The following RNASEL variants were observed in gnomAD, a reference collection of about 807,000 sequenced individuals.
RNASEL encodes the protein 2-5A-dependent ribonuclease.
In RNASEL, 36 loss-of-function variants were observed where a neutral mutation model predicts 50.9. The observed-to-expected ratio is 0.71, with a 90% confidence interval of 0.54 to 0.93. The LOEUF (loss-of-function observed/expected upper bound fraction) is 0.93. RNASEL is among the 40% of genes least tolerant of loss of function. The pLI is 0.00. For synonymous variants in RNASEL, 335 were observed against 335.6 expected, an observed-to-expected ratio of 1.00 and a Z score of 0.02; for missense variants, 860 against 894.5, an observed-to-expected ratio of 0.96 and a Z score of 0.49.
intron 5 of RNASEL, 39 bp downstream of exon 5, chr1:182,581,186 T>C (rs746686648): frequency 3.7e-6 from 6 of 1,613,848 alleles, no homozygotes; most frequent in Non-Finnish European, 4.2e-6. Flanking sequence ...CAAATTCTTA[T>C]TCCTGGACTA....
At position 182,575,234 on chromosome 1, in the gene RNASEL, T is replaced by C; in HGVS notation, c.*158A>G. On this transcript the variant is annotated 3_prime_UTR_variant, in exon 7 of 7. Coordinates refer to ENST00000367559, the MANE Select transcript of RNASEL (RefSeq NM_021133.4). ...TAGTCTGGGTATATATTGCTTTTGT[T>C]ATAGACATATGGAATACACGATGCC... 1 of 725,762 alleles carries C rather than the reference T, an allele frequency of 1.4e-6. No homozygotes were observed. The highest frequency in any genetic ancestry group is 1.7e-5 in the African/African-American group (1 of 57,620). The allele number at this position is 725,762 out of a possible 1,614,324, so 45.0% of individuals were successfully genotyped here.
chr1:182,581,549 T>C (rs998733986), intron 4 of RNASEL, among the ~76,000 whole-genome samples, 192 bp from the exon 5 acceptor site: 10 of 141,202 alleles, frequency 7.1e-5, no homozygotes, highest in African/African-American at 2.6e-4. Flanking sequence ...TAGCGCAATC[T>C]TGGCTCACTG....
Position 182,586,942 on chromosome 1 carries a change from A to G in RNASEL, c.-136T>C. On this transcript the variant is annotated 5_prime_UTR_variant, in exon 2 of 7. Transcript: ENST00000367559. Reference sequence around the variant, plus strand: ...AACAGAGCAGCAGTATGAAGAAGGAACAATGTTCTCAGTCTTCTGACATTC... The same window carrying G: ...AACAGAGCAGCAGTATGAAGAAGGAGCAATGTTCTCAGTCTTCTGACATTC... The G allele has an allele frequency of 1.7e-6, 2 of 1,168,124 alleles. No homozygotes were observed. Among genetic ancestry groups the G allele is most frequent in the South Asian group, 2.5e-5 (2 of 80,024 alleles). 72.4% of individuals were successfully genotyped at this position (1,168,124 alleles called of 1,614,324 possible). A position where few individuals can be genotyped will look rare whatever the true frequency, so the allele number is the denominator to read the frequency against.
At chr1:182,579,669 A>G in intron 5 of RNASEL, 1 of 1,145,578 alleles carries the variant, frequency 8.7e-7, no homozygotes, top group Non-Finnish European at 1.1e-6. Context: ...TTAAAAGGTA[A>G]AACTTGAAGT....
At chr1:182,582,926 C>T (rs1368965798) in intron 3 of RNASEL, among the ~76,000 whole-genome samples, 1 of 152,154 alleles carries the variant, frequency 6.6e-6, no homozygotes, top group Non-Finnish European at 1.5e-5. Context: ...TGGTCTACAG[C>T]GGCCAATCTC....
In RNASEL at chr1:182,586,119, C is replaced by T. The variant is rs762430434; in HGVS notation, c.688G>A (p.Ala230Thr). 1.9e-6 allele frequency: 3 copies of T among 1,614,192 alleles called. No individual in the cohort carries two copies. The highest frequency in any genetic ancestry group is 2.5e-6 in the Non-Finnish European group (3 of 1,180,032). The change falls in exon 2 of 7, where the codon GCT becomes ACT. Residue 230 changes from alanine to threonine, a missense_variant. Transcript: ENST00000367559. Reference sequence around the variant, plus strand: ...CTTTCTCCCCTCACATTGACATCAGCCCCATGGTCCAGCAGCAGATGCGTA... The same window carrying T: ...CTTTCTCCCCTCACATTGACATCAGTCCCATGGTCCAGCAGCAGATGCGTA... ...AITHLLLDHGADVNVRGERGK... is the reference protein window; with the variant it reads ...AITHLLLDHGTDVNVRGERGK...
At position 182,585,951 on chromosome 1, in the gene RNASEL, T is replaced by C. The variant is rs1312670643; in HGVS notation, c.856A>G (p.Lys286Glu). The change falls in exon 2 of 7, where the codon AAG (lysine) becomes GAG (glutamate). Residue 286 changes from lysine (K) to glutamate (E), a missense_variant. By Grantham distance (56) the Lys-to-Glu change is moderately conservative. Coordinates refer to ENST00000367559, the MANE Select transcript of RNASEL (RefSeq NM_021133.4). Reference sequence around the variant, plus strand: ...TTGCACAGCAACTCGGCGATTTTCTTCAGTTTGAGTTCAACAGCAAGCAGC... The same window carrying C: ...TTGCACAGCAACTCGGCGATTTTCTCCAGTTTGAGTTCAACAGCAAGCAGC... ...ALLLAVELKL[K>E]KIAELLCKRG... 6.2e-7 allele frequency: 1 copy of C among 1,614,172 alleles called. No homozygotes were observed. The highest frequency in any genetic ancestry group is 1.7e-5 in the Admixed American group (1 of 60,024).
chr1:182,585,515 A>T lies in RNASEL; in HGVS notation c.1292T>A (p.Phe431Tyr). 2 of 1,614,130 alleles carry T rather than the reference A, an allele frequency of 1.2e-6. No individual in the cohort carries two copies. Among genetic ancestry groups the T allele is most frequent in the Non-Finnish European group, 1.7e-6 (2 of 1,180,006 alleles). ...YGSESHRGHL[F>Y]VCVTLCEQTL... ...CTGCTCACAGAGGGTGACACACACAAACAAGTGGCCCCTGTGGCTCTCACT... is the reference window on the plus strand; with the variant it reads ...CTGCTCACAGAGGGTGACACACACATACAAGTGGCCCCTGTGGCTCTCACT... The change falls in exon 2 of 7, where the codon TTT (phenylalanine) becomes TAT (tyrosine). Residue 431 changes from phenylalanine to tyrosine, a missense_variant. Physicochemically the swap from Phe to Tyr is conservative, Grantham distance 22. Transcript: ENST00000367559.
intron 1 of RNASEL, among the ~76,000 whole-genome samples, chr1:182,588,567 C>T (rs1371215339): frequency 2.6e-5 from 4 of 152,264 alleles, no homozygotes; most frequent in Admixed American, 1.3e-4. Context: ...CAGCCCGAAA[C>T]TGTTACCTGA....
At position 182,581,215 on chromosome 1, in the gene RNASEL, TTG is replaced by T. The variant is rs1262384855; in HGVS notation, c.1905+8_1905+9del. ...TGGACTAACCCCTGCACTATAGGAA[TTG>T]TTCATACCTTAGTCGTCCACTTGTC... On this transcript the variant is annotated splice_region_variant and intron_variant, in intron 5 of 6. Coordinates refer to ENST00000367559, the MANE Select transcript of RNASEL (RefSeq NM_021133.4). 6.2e-7 allele frequency: 1 copy of T among 1,614,048 alleles called. No individual in the cohort carries two copies. The highest frequency in any genetic ancestry group is 8.5e-7 in the Non-Finnish European group (1 of 1,180,030).
chr1:182,576,576 T>C (rs16859248), intron 5 of RNASEL, among the ~76,000 whole-genome samples, 187 bp from the exon 6 acceptor site: 16,412 of 152,150 alleles, frequency 0.11, 1,356 homozygotes, highest in East Asian at 0.5. Context: ...CTAACTATAA[T>C]TGTGTCTGGG....
intron 6 of RNASEL, 33 bp downstream of exon 6, chr1:182,576,223 C>T: frequency 6.3e-7 from 1 of 1,587,766 alleles, no homozygotes; most frequent in Non-Finnish European, 8.6e-7. Flanking sequence ...TCTCATTTCA[C>T]ATATAATTTG....
chr1:182,582,278 C>A lies in RNASEL; in HGVS notation c.1567-20G>T. On this transcript the variant is annotated intron_variant, in intron 3 of 6. Transcript: ENST00000367559. Reference sequence around the variant, plus strand: ...AAGGTCCTGCACAAAAGCCATAAATCAAGCCAAAGATGCTTACTAATTATT... The same window carrying A: ...AAGGTCCTGCACAAAAGCCATAAATAAAGCCAAAGATGCTTACTAATTATT... 2 of 1,613,918 alleles carry A rather than the reference C, an allele frequency of 1.2e-6. No homozygotes were observed. The highest frequency in any genetic ancestry group is 2.2e-5 in the South Asian group (2 of 91,034).
rs1661375149 is a variant in RNASEL, at chr1:182,576,205, T to A, written c.2039+51A>T. The A allele has an allele frequency of 1.9e-6, 3 of 1,561,300 alleles. No individual in the cohort carries two copies. In the African/African-American group the frequency reaches 4.1e-5, roughly 21 times the overall value. ...GATATAAACTTAGAATTGGATTTTT[T>A]AAATTGTTCTCATTTCACATATAAT... On this transcript the variant is annotated intron_variant, in intron 6 of 6. Transcript: ENST00000367559.
intron 6 of RNASEL, 119 bp from the exon 7 acceptor site, chr1:182,575,697 C>T: frequency 7.5e-7 from 1 of 1,329,848 alleles, no homozygotes; most frequent in Non-Finnish European, 1.0e-6. Context: ...TGAATAAGGA[C>T]TTTGGAATCT....
rs1443130654 is a variant in RNASEL, at chr1:182,588,599, C to A, written c.-165+568G>T. Among the ~76,000 whole-genome samples, 9 of 152,352 alleles carry A rather than the reference C, an allele frequency of 5.9e-5. No individual in the cohort carries two copies. In the East Asian group the frequency reaches 1.5e-3, roughly 26 times the overall value. ...CTGAATATTTAAATAACTGCATCTGCTATAGAATTCACGAAGCAACCCTTT... is the reference window on the plus strand; with the variant it reads ...CTGAATATTTAAATAACTGCATCTGATATAGAATTCACGAAGCAACCCTTT... On this transcript the variant is annotated intron_variant, in intron 1 of 6. Transcript: ENST00000367559.
rs751816771 is a variant in RNASEL at position 182,576,383 on chromosome 1, C to T, written c.1912G>A (p.Glu638Lys). ...SFDKWTTKIN[E>K]CVMKKMNKFY... Reference sequence around the variant, plus strand: ...TTATTCATTTTTTTCATAACACATTCATTAATCTAAAAAAACAAAAAATAA... The same window carrying T: ...TTATTCATTTTTTTCATAACACATTTATTAATCTAAAAAAACAAAAAATAA... Residue 638 changes from glutamate (E) to lysine (K), a missense_variant, in exon 6 of 7, where the codon GAA becomes AAA. Coordinates refer to ENST00000367559, the MANE Select transcript of RNASEL (RefSeq NM_021133.4). 3 of 1,570,664 alleles carry T rather than the reference C, an allele frequency of 1.9e-6. No individual in the cohort carries two copies. The highest frequency in any genetic ancestry group is 1.7e-6 in the Non-Finnish European group (2 of 1,144,504).
chr1:182,576,262 T>C lies in RNASEL; in HGVS notation c.2033A>G (p.His678Arg). The C allele has an allele frequency of 6.2e-7, 1 of 1,611,592 alleles. No individual in the cohort carries two copies. The highest frequency in any genetic ancestry group is 8.5e-7 in the Non-Finnish European group (1 of 1,178,558). ...GAATGAAAACAATACTTACTTTTTATGCTTTTCTTCATCAATGTGTTCTCC... is the reference window on the plus strand; with the variant it reads ...GAATGAAAACAATACTTACTTTTTACGCTTTTCTTCATCAATGTGTTCTCC... ...NLGEHIDEEK[H>R]KKMKLKIGDP... The change falls in exon 6 of 7, where the codon CAT (histidine) becomes CGT (arginine). Residue 678 changes from histidine to arginine, a missense_variant. Physicochemically the swap from His to Arg is conservative, Grantham distance 29 (BLOSUM62 0). Coordinates refer to ENST00000367559, the MANE Select transcript of RNASEL (RefSeq NM_021133.4).
At chr1:182,577,148 C>T (rs2102363467) in intron 5 of RNASEL, 1 of 151,332 alleles carries the variant, frequency 6.6e-6, no homozygotes, top group South Asian at 2.1e-4. Flanking sequence ...CCCCAAAGTG[C>T]TGGGATTACA....
Sources: allele counts gnomAD v4.1 joint callset (sites outside exome capture counted in the v4.1 genomes callset), GRCh38; gene constraint gnomAD v4.1.1; transcripts MANE v1.5; gene names NCBI Gene and HGNC (gene_info 2026-07-23, HGNC 2026-07-21).